The following NKAIN2 variants were observed in gnomAD, a reference collection of about 807,000 sequenced individuals.
The protein encoded by NKAIN2 is sodium/potassium transporting ATPase interacting 2, also known as sodium/potassium-transporting ATPase subunit beta-1-interacting protein 2.
NKAIN2 carries 14 observed loss-of-function variants against 32.6 expected under a neutral mutation model. That is an observed-to-expected ratio of 0.43 (90% CI 0.28 to 0.67). NKAIN2 has a LOEUF of 0.67. Among genes scored for constraint, NKAIN2 ranks in the 30% least tolerant of loss-of-function variants. The probability of loss-of-function intolerance (pLI) is 0.17; values close to 1 mark genes in which losing one functional copy is unlikely to be tolerated. For missense variants in NKAIN2, 198 were observed against 258.3 expected (o/e 0.77, Z 1.60); for synonymous variants, 80 against 87.2 (o/e 0.92, Z 0.46).
chr6:123,990,504 T>C (rs1336269858), intron 1 of NKAIN2, among the ~76,000 whole-genome samples: 1 of 152,188 alleles, frequency 6.6e-6, no homozygotes, highest in Non-Finnish European at 1.5e-5. Context: ...ACTAGTGCTG[T>C]TGTGGAAAGG....
intron 1 of NKAIN2, among the ~76,000 whole-genome samples, chr6:124,206,496 ATTG>A (rs1335697854): frequency 2.0e-5 from 3 of 151,828 alleles, no homozygotes; most frequent in Non-Finnish European, 2.9e-5. Flanking sequence ...TACCTACAGA[ATTG>A]TTGTGTTTTG....
chr6:123,920,563 T>C (rs146991482), intron 1 of NKAIN2, among the ~76,000 whole-genome samples: 241 of 152,056 alleles, frequency 1.6e-3, no homozygotes, highest in Non-Finnish European at 1.7e-3. Flanking sequence ...GAAACTAAGG[T>C]TTCTTAATTC....
intron 1 of NKAIN2, among the ~76,000 whole-genome samples, chr6:123,853,473 T>G (rs1480907651): frequency 6.6e-6 from 1 of 152,186 alleles, no homozygotes; most frequent in Non-Finnish European, 1.5e-5. Context: ...TACAAACATT[T>G]ATTATATTAT....
chr6:124,400,280 T>C (rs942773361), intron 3 of NKAIN2, among the ~76,000 whole-genome samples: 3 of 151,930 alleles, frequency 2.0e-5, no homozygotes, highest in Non-Finnish European at 1.5e-5. Flanking sequence ...TGCCAATTGA[T>C]TTTAGTACGC....
At chr6:124,127,691 G>C (rs1204252767) in intron 1 of NKAIN2, among the ~76,000 whole-genome samples, 2 of 152,158 alleles carry the variant, frequency 1.3e-5, no homozygotes, top group South Asian at 4.1e-4. Flanking sequence ...AGGAGGGACA[G>C]GCCTGGTCAG....
intron 1 of NKAIN2, among the ~76,000 whole-genome samples, chr6:123,810,314 G>GT (rs911546748): frequency 5.5e-4 from 82 of 149,074 alleles, no homozygotes; most frequent in African/African-American, 1.4e-3. Flanking sequence ...AGCCTCTCAT[G>GT]TTTTTTTTTT....
rs1246865285 is a variant in NKAIN2 at position 124,659,194 on chromosome 6, G to A, written c.474+808G>A. Among the ~76,000 whole-genome samples the A allele has an allele frequency of 2.6e-5, 4 of 152,114 alleles. No individual in the cohort carries two copies. In the East Asian group the frequency reaches 5.8e-4, roughly 22 times the overall value. On this transcript the variant is annotated intron_variant, in intron 4 of 6. Transcript: ENST00000368417. ...CATTTATTCATTACAGATCTTAAAT[G>A]CAGAACTGCATAGATTTTTCTTAGA...
intron 3 of NKAIN2, among the ~76,000 whole-genome samples, chr6:124,522,038 C>A (rs1248879586): frequency 2.0e-5 from 3 of 152,110 alleles, no homozygotes; most frequent in Non-Finnish European, 4.4e-5. Flanking sequence ...GGTATTTGAA[C>A]TGCTTCTTGG....
chr6:124,077,110 C>A, intron 1 of NKAIN2, among the ~76,000 whole-genome samples: 1 of 152,140 alleles, frequency 6.6e-6, no homozygotes, highest in East Asian at 1.9e-4. Context: ...ACATCTTGAA[C>A]TTTTTCTTGA....
intron 3 of NKAIN2, among the ~76,000 whole-genome samples, chr6:124,565,170 A>G (rs1043534064): frequency 3.9e-5 from 6 of 152,114 alleles, no homozygotes; most frequent in Admixed American, 6.6e-5. Flanking sequence ...CAAGGTCTTA[A>G]CCCTTAACTT....
chr6:124,020,990 T>C (rs1374978139), intron 1 of NKAIN2, among the ~76,000 whole-genome samples: 1 of 152,110 alleles, frequency 6.6e-6, no homozygotes, highest in African/African-American at 2.4e-5. Context: ...GAAACAAGAC[T>C]ATGGAATATA....
At chr6:124,373,287 A>C (rs1191445520) in intron 3 of NKAIN2, among the ~76,000 whole-genome samples, 1 of 152,134 alleles carries the variant, frequency 6.6e-6, no homozygotes, top group Non-Finnish European at 1.5e-5. Flanking sequence ...CTGAGGCATC[A>C]GAATTTGGTG....
intron 1 of NKAIN2, among the ~76,000 whole-genome samples, chr6:124,042,384 T>C (rs1781909959): frequency 6.6e-6 from 1 of 152,078 alleles, no homozygotes; most frequent in African/African-American, 2.4e-5. Flanking sequence ...CTAGAGCACA[T>C]GGCAACATAA....
At chr6:124,793,657 T>C (rs1779844181) in intron 5 of NKAIN2, among the ~76,000 whole-genome samples, 1 of 144,094 alleles carries the variant, frequency 6.9e-6, no homozygotes, top group South Asian at 2.2e-4. Flanking sequence ...TCAGAAATGC[T>C]AGTTCCACAA....
chr6:124,818,561 T>C, intron 6 of NKAIN2, 93 bp downstream of exon 6: 1 of 533,808 alleles, frequency 1.9e-6, no homozygotes, highest in Non-Finnish European at 3.4e-6. Context: ...GCAGCTTTTG[T>C]TCAGTTATAT....
intron 1 of NKAIN2, among the ~76,000 whole-genome samples, chr6:124,218,565 A>G (rs1361750247): frequency 6.6e-6 from 1 of 152,220 alleles, no homozygotes; most frequent in Non-Finnish European, 1.5e-5. Context: ...TTTATTAAAT[A>G]AGGGGAAAAT....
intron 1 of NKAIN2, among the ~76,000 whole-genome samples, chr6:124,128,660 C>T (rs1368954387): frequency 6.6e-6 from 1 of 152,316 alleles, no homozygotes; most frequent in South Asian, 2.1e-4. Flanking sequence ...AGTATATTTA[C>T]AGAGCTTACA....
chr6:124,744,363 C>G (rs953396756), intron 4 of NKAIN2, among the ~76,000 whole-genome samples: 6 of 151,820 alleles, frequency 4.0e-5, no homozygotes, highest in Non-Finnish European at 4.4e-5. Flanking sequence ...TGACTTATGA[C>G]AGTGATTGTA....
intron 1 of NKAIN2, among the ~76,000 whole-genome samples, chr6:123,907,228 TG>T (rs1324566623): frequency 1.3e-5 from 2 of 152,210 alleles, no homozygotes; most frequent in Non-Finnish European, 2.9e-5. Flanking sequence ...ATTTCTATTT[TG>T]TTTTTTTTAG....
Sources: allele counts gnomAD v4.1 joint callset (sites outside exome capture counted in the v4.1 genomes callset), GRCh38; gene constraint gnomAD v4.1.1; transcripts MANE v1.5; gene names NCBI Gene and HGNC (gene_info 2026-07-23, HGNC 2026-07-21).